Variants in NCAPD3 observed in about 807,000 individuals in gnomAD.
The protein encoded by NCAPD3 is condensin-2 complex subunit D3.
A neutral mutation model predicts 182.9 loss-of-function variants in NCAPD3; 105 were observed. The ratio of observed to expected loss-of-function variants is 0.57; its 90% CI spans 0.49 to 0.68. NCAPD3 has a LOEUF of 0.68. Among genes scored for constraint, NCAPD3 ranks in the 30% least tolerant of loss-of-function variants. The pLI is 0.00. For missense variants in NCAPD3, 1,944 were observed against 1,837.0 expected, an observed-to-expected ratio of 1.06 and a Z score of -1.07; for synonymous variants, 815 against 679.9, an observed-to-expected ratio of 1.20 and a Z score of -3.09.
intron 3 of NCAPD3, among the ~76,000 whole-genome samples, chr11:134,213,652 A>G (rs895542556): frequency 3.3e-5 from 5 of 151,948 alleles, no homozygotes; most frequent in Non-Finnish European, 7.4e-5. Context: ...AGAAAAAGAA[A>G]AGCCATGACC....
chr11:134,224,103 A>C (rs1025610157), upstream of NCAPD3: 9 of 758,888 alleles, frequency 1.2e-5, 1 homozygote, highest in South Asian at 1.4e-4. Flanking sequence ...CCGCACGCTC[A>C]GAGAACTGGG....
At chr11:134,178,961 T>C in intron 20 of NCAPD3, 25 bp from the exon 21 acceptor site, 1 of 1,538,124 alleles carries the variant, frequency 6.5e-7, no homozygotes, top group Non-Finnish European at 9.0e-7. Context: ...GGTTTTACAG[T>C]AAAAATAAGG....
chr11:134,193,784 A>T (rs1944570540), intron 15 of NCAPD3, among the ~76,000 whole-genome samples: 1 of 152,164 alleles, frequency 6.6e-6, no homozygotes, highest in African/African-American at 2.4e-5. Context: ...TAAAGTGAAG[A>T]AAGGGCTAAC....
At chr11:134,158,557 T>C in intron 29 of NCAPD3, 62 bp from the exon 30 acceptor site, 1 of 1,526,808 alleles carries the variant, frequency 6.5e-7, no homozygotes, top group East Asian at 2.3e-5. Context: ...AAAACGGATA[T>C]ATGATAGTTG....
At chr11:134,205,944 T>A (rs1326058189) in intron 8 of NCAPD3, among the ~76,000 whole-genome samples, 1 of 152,104 alleles carries the variant, frequency 6.6e-6, no homozygotes, top group Non-Finnish European at 1.5e-5. Context: ...TGCACACACT[T>A]GCACATGCAC....
intron 16 of NCAPD3, chr11:134,185,950 C>T (rs1944397152): frequency 6.6e-6 from 1 of 152,446 alleles, no homozygotes; most frequent in Non-Finnish European, 1.4e-5. Context: ...CTCTGTCGCC[C>T]AGGCTGGAGT....
In NCAPD3 at chr11:134,150,768, A is replaced by C. The variant is rs912658684; in HGVS notation, c.*2176T>G. On this transcript the variant is annotated 3_prime_UTR_variant, in exon 35 of 35. Transcript: ENST00000534548. ...ATGGATCCCACTGTTCCTCTTTGCCACAGAGAAAGCACCCAGACGCCACAG... is the reference window on the plus strand; with the variant it reads ...ATGGATCCCACTGTTCCTCTTTGCCCCAGAGAAAGCACCCAGACGCCACAG... 2 of 152,178 alleles carry C rather than the reference A, an allele frequency of 1.3e-5. No homozygotes were observed. The highest frequency in any genetic ancestry group is 2.9e-5 in the Non-Finnish European group (2 of 68,046). 9.4% of individuals were successfully genotyped at this position (152,178 alleles called of 1,614,324 possible).
chr11:134,177,127 C>T (rs1188330111), intron 23 of NCAPD3, 92 bp downstream of exon 23: 4 of 1,023,768 alleles, frequency 3.9e-6, no homozygotes, highest in Middle Eastern at 2.5e-4. Context: ...GATTCTACTA[C>T]AAAGCAAGCA....
rs187307801 is a variant in NCAPD3, at chr11:134,172,550, G to A, written c.3102-3496C>T. Among the ~76,000 whole-genome samples, 11 of 152,254 alleles carry A rather than the reference G, an allele frequency of 7.2e-5. No individual in the cohort carries two copies. The East Asian group carries it at 1.2e-3, about 16-fold the overall frequency. On this transcript the variant is annotated intron_variant, in intron 24 of 34. Transcript: ENST00000534548. ...ATCTCAATGGTCCATTATTTGAGGCGCTGTCCTGCCTTGAGCTTCTGGCCC... is the reference window on the plus strand; with the variant it reads ...ATCTCAATGGTCCATTATTTGAGGCACTGTCCTGCCTTGAGCTTCTGGCCC...
At position 134,223,961 on chromosome 11, in the gene NCAPD3, A is replaced by T; in HGVS notation, c.-35T>A. On this transcript the variant is annotated 5_prime_UTR_variant, in exon 1 of 35. Coordinates refer to ENST00000534548, the MANE Select transcript of NCAPD3 (RefSeq NM_015261.3). Reference sequence around the variant, plus strand: ...GCACCGGCTCGCCGCCGCCGTGCTCAACTTTCAAAGCTCGCTCCCGCGCGC... The same window carrying T: ...GCACCGGCTCGCCGCCGCCGTGCTCTACTTTCAAAGCTCGCTCCCGCGCGC... 1.9e-6 allele frequency: 3 copies of T among 1,607,386 alleles called. No homozygotes were observed. Among genetic ancestry groups the T allele is most frequent in the Non-Finnish European group, 2.5e-6 (3 of 1,177,868 alleles).
In NCAPD3 at chr11:134,204,314, G is replaced by C; in HGVS notation, c.1090-143C>G. On this transcript the variant is annotated intron_variant, in intron 9 of 34. Transcript: ENST00000534548. The surrounding 1 kb of genome is among the most constrained non-coding windows in gnomAD (Gnocchi z 4.3). ...TACGTAAATGACTAATAAATTTTAGGTTTTAGAACACTTCAAAACTAATCT... is the reference window on the plus strand; with the variant it reads ...TACGTAAATGACTAATAAATTTTAGCTTTTAGAACACTTCAAAACTAATCT... The C allele has an allele frequency of 1.1e-6, 1 of 896,686 alleles. No homozygotes were observed. Among genetic ancestry groups the C allele is most frequent in the Non-Finnish European group, 1.6e-6 (1 of 617,700 alleles). The allele number at this position is 896,686 out of a possible 1,614,324, so 55.5% of individuals were successfully genotyped here. A position where few individuals can be genotyped will look rare whatever the true frequency, so the allele number is the denominator to read the frequency against.
At chr11:134,214,847 G>T (rs1937958595) in intron 3 of NCAPD3, among the ~76,000 whole-genome samples, 1 of 151,936 alleles carries the variant, frequency 6.6e-6, no homozygotes, top group Non-Finnish European at 1.5e-5. Context: ...AGAAGAGAAG[G>T]GAATACTATG....
At chr11:134,154,136 CCAG>C (rs1164885176) in intron 32 of NCAPD3, 1 of 152,380 alleles carries the variant, frequency 6.6e-6, no homozygotes. Context: ...TGGGGGGCTG[CCAG>C]GACTACATGA....
At chr11:134,153,639 C>G (rs1028460345) in intron 32 of NCAPD3, 2 of 500,810 alleles carry the variant, frequency 4.0e-6, no homozygotes, top group African/African-American at 3.9e-5. Context: ...TCCCTCCCGC[C>G]GTCTTCCATC....
Position 134,152,273 on chromosome 11 carries a change from C to T in NCAPD3, c.*671G>A, listed in dbSNP as rs973588813. Among the ~76,000 whole-genome samples the T allele has an allele frequency of 3.3e-5, 5 of 152,224 alleles. No individual in the cohort carries two copies. The highest frequency in any genetic ancestry group is 6.5e-5 in the Admixed American group (1 of 15,290). Reference sequence around the variant, plus strand: ...TTCATGTCTGTTAGGGAAAGCACACCGCCTCTGCCTGGGCACAGATGAACT... The same window carrying T: ...TTCATGTCTGTTAGGGAAAGCACACTGCCTCTGCCTGGGCACAGATGAACT... On this transcript the variant is annotated 3_prime_UTR_variant, in exon 35 of 35. Coordinates refer to ENST00000534548, the MANE Select transcript of NCAPD3 (RefSeq NM_015261.3).
chr11:134,220,948 A>G (rs1211274728), intron 1 of NCAPD3, among the ~76,000 whole-genome samples: 1 of 152,250 alleles, frequency 6.6e-6, no homozygotes, highest in Non-Finnish European at 1.5e-5. Context: ...TCATCTTCTA[A>G]AAATATAAAG....
intron 18 of NCAPD3, 46 bp downstream of exon 18, chr11:134,184,857 T>C: frequency 1.5e-6 from 2 of 1,356,856 alleles, no homozygotes; most frequent in Non-Finnish European, 2.1e-6. Context: ...ACACCTGAAA[T>C]GAACAGCAAT....
intron 16 of NCAPD3, among the ~76,000 whole-genome samples, chr11:134,188,606 G>A (rs1309131288): frequency 1.3e-5 from 2 of 152,134 alleles, no homozygotes; most frequent in Non-Finnish European, 2.9e-5. Flanking sequence ...AACTCCGGAT[G>A]TGCCACCTTT....
At position 134,204,180 on chromosome 11, in the gene NCAPD3, C is replaced by T. The variant is rs758707519; in HGVS notation, c.1090-9G>A. ...TCTGATTTATCTACCACCTGAAAAGCAAAAAGAGAAGTTGACCAACCAATA... is the reference window on the plus strand; with the variant it reads ...TCTGATTTATCTACCACCTGAAAAGTAAAAAGAGAAGTTGACCAACCAATA... On this transcript the variant is annotated splice_polypyrimidine_tract_variant and intron_variant, in intron 9 of 34. Coordinates refer to ENST00000534548, the MANE Select transcript of NCAPD3 (RefSeq NM_015261.3). This position sits in a 1 kb window ranked among gnomAD's most constrained non-coding sequence, Gnocchi z 4.3. The T allele has an allele frequency of 1.9e-6, 3 of 1,608,962 alleles. No homozygotes were observed. In the Admixed American group the frequency reaches 5.1e-5, roughly 27 times the overall value.
Sources: gnomAD v4.1 joint callset for allele counts (sites outside exome capture counted in the v4.1 genomes callset) on GRCh38, gnomAD v4.1.1 for gene constraint, Gnocchi (gnomAD v3.1) non-coding constraint, MANE v1.5 for transcripts, NCBI Gene and HGNC (gene_info 2026-07-23, HGNC 2026-07-21) for gene names.